KDM4B: variants seen among roughly 807,000 people sequenced by gnomAD.
The protein encoded by KDM4B is lysine demethylase 4B.
KDM4B carries 32 observed loss-of-function variants against 125.2 expected under a neutral mutation model. That is an observed-to-expected ratio of 0.26 (90% CI 0.19 to 0.34). The LOEUF (loss-of-function observed/expected upper bound fraction) is 0.34. KDM4B is among the 10% of genes least tolerant of loss of function. The pLI is 1.00. For missense variants in KDM4B, 1,190 were observed against 1,577.7 expected (o/e 0.75, Z 4.16); for synonymous variants, 721 against 677.9 (o/e 1.06, Z -0.99).
intron 1 of KDM4B, among the ~76,000 whole-genome samples, chr19:4,974,141 G>A (rs1036229263): frequency 2.6e-5 from 4 of 151,732 alleles, no homozygotes; most frequent in African/African-American, 9.7e-5. Flanking sequence ...GCTCACGCCT[G>A]TAAAGCCAGC....
In KDM4B at chr19:5,081,872, G is replaced by C. The variant is rs954750251; in HGVS notation, c.781-495G>C. Reference sequence around the variant, plus strand: ...GAGCGCGTGCAGTGTCTTGTCTTCAGAGCACTCTAAAGCTGCTGTCAGCAC... The same window carrying C: ...GAGCGCGTGCAGTGTCTTGTCTTCACAGCACTCTAAAGCTGCTGTCAGCAC... On this transcript the variant is annotated intron_variant, in intron 8 of 22. Transcript: ENST00000159111. This position sits in a 1 kb window ranked among gnomAD's most constrained non-coding sequence, Gnocchi z 4.2. Among the ~76,000 whole-genome samples the C allele has an allele frequency of 3.3e-5, 5 of 152,214 alleles. No individual in the cohort carries two copies. Among genetic ancestry groups the C allele is most frequent in the Non-Finnish European group, 5.9e-5 (4 of 68,026 alleles).
chr19:5,101,741 A>G (rs2145953768), intron 9 of KDM4B, among the ~76,000 whole-genome samples: 1 of 144,030 alleles, frequency 6.9e-6, no homozygotes, highest in Middle Eastern at 3.5e-3. Context: ...ATGCAGGGGA[A>G]GGGCGGGGAG....
At position 5,047,580 on chromosome 19, in the gene KDM4B, C is replaced by T. The variant is rs149059481; in HGVS notation, c.537C>T (p.Phe179=). The T allele has an allele frequency of 5.1e-5, 83 of 1,614,022 alleles. No homozygotes were observed. The African/African-American group carries it at 7.7e-4, about 15-fold the overall frequency. Reference sequence around the variant, plus strand: ...GCGTGAACACGCCCTACCTGTACTTCGGCATGTGGAAGACCACCTTCGCCT... The same window carrying T: ...GCGTGAACACGCCCTACCTGTACTTTGGCATGTGGAAGACCACCTTCGCCT... The part of the protein sequence containing the change: ...IEGVNTPYLY[F]GMWKTTFAWH... Residue 179 remains phenylalanine, a synonymous_variant, in exon 6 of 23, where the codon TTC becomes TTT. Coordinates refer to ENST00000159111, the MANE Select transcript of KDM4B (RefSeq NM_015015.3).
chr19:5,144,767 C>T lies in KDM4B; in HGVS notation c.2902-16C>T, dbSNP rs996806730. ...AGTGTGGCCAGGACCTCACCTCCCA[C>T]CTCTTCTCCCTGCAGAGTAGGGACT... On this transcript the variant is annotated splice_polypyrimidine_tract_variant and intron_variant, in intron 20 of 22. Coordinates refer to ENST00000159111, the MANE Select transcript of KDM4B (RefSeq NM_015015.3). 4 of 1,613,394 alleles carry T rather than the reference C, an allele frequency of 2.5e-6. No individual in the cohort carries two copies. Among genetic ancestry groups the T allele is most frequent in the Non-Finnish European group, 3.4e-6 (4 of 1,179,960 alleles).
At position 5,128,860 on chromosome 19, in the gene KDM4B, C is replaced by CGG. The variant is rs10718211; in HGVS notation, c.1316-2206_1316-2205dup. ...GCCAGATAACAGTGGAGGCGGGGGG[C>CGG]GGGGGGGGGGGTCATATAACAGCGG... On this transcript the variant is annotated intron_variant, in intron 11 of 22. Coordinates refer to ENST00000159111, the MANE Select transcript of KDM4B (RefSeq NM_015015.3). Among the ~76,000 whole-genome samples, 117 of 70,422 alleles carry CGG rather than the reference C, an allele frequency of 1.7e-3. 1 individual carries two copies. The highest frequency in any genetic ancestry group is 2.8e-3 in the Non-Finnish European group (94 of 33,800). 46.2% of individuals were successfully genotyped at this position (70,422 alleles called of 152,430 possible). A position where few individuals can be genotyped will look rare whatever the true frequency, so the allele number is the denominator to read the frequency against.
intron 9 of KDM4B, among the ~76,000 whole-genome samples, chr19:5,091,727 G>T (rs370857738): frequency 6.6e-6 from 1 of 151,042 alleles, no homozygotes; most frequent in African/African-American, 2.4e-5. Context: ...GGGAGCCCAG[G>T]GGGAGGCGGC....
intron 1 of KDM4B, among the ~76,000 whole-genome samples, chr19:4,973,752 G>A (rs1479062343): frequency 1.3e-5 from 2 of 151,562 alleles, no homozygotes; most frequent in South Asian, 2.1e-4. Flanking sequence ...TTGGGGCGGG[G>A]AACATGGGAA....
chr19:5,070,531 G>A (rs545555380), intron 6 of KDM4B: 4 of 153,984 alleles, frequency 2.6e-5, no homozygotes, highest in African/African-American at 9.6e-5. Context: ...CTTTTTCCCT[G>A]TTGGCTCCCA....
chr19:5,080,172 TGAAAA>T (rs2038245517), intron 8 of KDM4B, among the ~76,000 whole-genome samples: 1 of 152,248 alleles, frequency 6.6e-6, no homozygotes, highest in Non-Finnish European at 1.5e-5. Context: ...ATTAATTATT[TGAAAA>T]GAAAAATATC....
At chr19:5,024,954 A>G (rs555246171) in intron 2 of KDM4B, among the ~76,000 whole-genome samples, 1 of 152,364 alleles carries the variant, frequency 6.6e-6, no homozygotes, top group Admixed American at 6.5e-5. Context: ...GTCTCAAAAA[A>G]CAAAAACAAA....
At chr19:5,037,976 G>C (rs2036683173) in intron 3 of KDM4B, among the ~76,000 whole-genome samples, 1 of 152,274 alleles carries the variant, frequency 6.6e-6, no homozygotes, top group South Asian at 2.1e-4. Flanking sequence ...TTTCTTCACT[G>C]ATGTGATCGC....
intron 4 of KDM4B, among the ~76,000 whole-genome samples, chr19:5,040,358 T>C (rs1367942472): frequency 6.6e-6 from 1 of 152,030 alleles, no homozygotes; most frequent in Non-Finnish European, 1.5e-5. Flanking sequence ...CACGGGTACA[T>C]GCACAGGCAC....
rs978489841 is a variant in KDM4B at position 5,151,758 on chromosome 19, A to G, written c.*247A>G. On this transcript the variant is annotated 3_prime_UTR_variant, in exon 23 of 23. Coordinates refer to ENST00000159111, the MANE Select transcript of KDM4B (RefSeq NM_015015.3). ...CCCACTCAACTACTCAGAATTTTAA[A>G]CCATGTAAGCTCTCTTCTTCTCGAA... 1.6e-5 allele frequency: 6 copies of G among 385,740 alleles called. No individual in the cohort carries two copies. Among genetic ancestry groups the G allele is most frequent in the Non-Finnish European group, 2.3e-5 (5 of 218,232 alleles). The allele number at this position is 385,740 out of a possible 1,614,324, so 23.9% of individuals were successfully genotyped here.
In KDM4B at chr19:5,082,158, G is replaced by C. The variant is rs1391042924; in HGVS notation, c.781-209G>C. ...GCCGAGTGGAGGTTGCAGAGCTGTG[G>C]CTGCGGCTGCTCACTATGTCCTTCA... is the stretch of plus-strand genomic sequence containing the variant. On this transcript the variant is annotated intron_variant, in intron 8 of 22. Coordinates refer to ENST00000159111, the MANE Select transcript of KDM4B (RefSeq NM_015015.3). This position sits in a 1 kb window ranked among gnomAD's most constrained non-coding sequence, Gnocchi z 5.4. Among the ~76,000 whole-genome samples the C allele has an allele frequency of 6.6e-6, 1 of 152,240 alleles. No individual in the cohort carries two copies. Among genetic ancestry groups the C allele is most frequent in the East Asian group, 1.9e-4 (1 of 5,192 alleles).
chr19:5,066,806 C>T (rs1219272841), intron 6 of KDM4B, among the ~76,000 whole-genome samples: 3 of 152,140 alleles, frequency 2.0e-5, no homozygotes, highest in Admixed American at 2.0e-4. Flanking sequence ...TACTGTCTTC[C>T]AGAAGGACTT....
At chr19:5,042,099 G>T (rs1484552405) in intron 5 of KDM4B, among the ~76,000 whole-genome samples, 1 of 152,256 alleles carries the variant, frequency 6.6e-6, no homozygotes, top group Non-Finnish European at 1.5e-5. Flanking sequence ...CATGAGACCA[G>T]AGTATTTCGA....
At chr19:5,036,667 G>A (rs2036635847) in intron 3 of KDM4B, among the ~76,000 whole-genome samples, 1 of 152,260 alleles carries the variant, frequency 6.6e-6, no homozygotes, top group Non-Finnish European at 1.5e-5. Flanking sequence ...TGGCCCCCCA[G>A]GAGCCCCGTG....
At chr19:5,041,770 C>T (rs2036826284) in intron 5 of KDM4B, among the ~76,000 whole-genome samples, 1 of 152,258 alleles carries the variant, frequency 6.6e-6, no homozygotes, top group Non-Finnish European at 1.5e-5. Flanking sequence ...CCCAGAGTCC[C>T]AGCCTCAGGC....
intron 1 of KDM4B, among the ~76,000 whole-genome samples, chr19:5,000,865 A>G (rs1432803275): frequency 1.3e-5 from 2 of 152,150 alleles, no homozygotes; most frequent in Non-Finnish European, 2.9e-5. Context: ...GAACATTAGC[A>G]TGGTTCCAGA....
Sources: allele counts gnomAD v4.1 joint callset (sites outside exome capture counted in the v4.1 genomes callset), GRCh38; gene constraint gnomAD v4.1.1; non-coding constraint Gnocchi (gnomAD v3.1); transcripts MANE v1.5; gene names NCBI Gene and HGNC (gene_info 2026-07-23, HGNC 2026-07-21).